GRAMD1B: variants seen among roughly 807,000 people sequenced by gnomAD.
GRAMD1B encodes the protein GRAM domain containing 1B.
In GRAMD1B, 37 loss-of-function variants were observed where a neutral mutation model predicts 99.7. That is an observed-to-expected ratio of 0.37 (90% CI 0.29 to 0.49). The LOEUF is 0.49. GRAMD1B is among the 20% of genes least tolerant of loss of function. GRAMD1B has a pLI of 0.98. For missense variants in GRAMD1B, 888 were observed against 1,009.2 expected, an observed-to-expected ratio of 0.88 and a Z score of 1.63; for synonymous variants, 427 against 387.6, an observed-to-expected ratio of 1.10 and a Z score of -1.19.
intron 12 of GRAMD1B, 37 bp from the exon 13 acceptor site, chr11:123,609,758 C>G: frequency 8.3e-7 from 1 of 1,199,902 alleles, no homozygotes; most frequent in Non-Finnish European, 1.2e-6. Flanking sequence ...GGGCTCTGCC[C>G]TCCCTTCCTC....
intron 1 of GRAMD1B, among the ~76,000 whole-genome samples, chr11:123,390,396 C>T (rs946604061): frequency 1.4e-4 from 21 of 152,194 alleles, no homozygotes; most frequent in East Asian, 5.8e-4. Flanking sequence ...GCACTCTGTA[C>T]GCATCACCCT....
intron 1 of GRAMD1B, among the ~76,000 whole-genome samples, chr11:123,363,746 G>C (rs1946226746): frequency 6.6e-6 from 1 of 152,178 alleles, no homozygotes. Context: ...TGTTGGCCTG[G>C]TTAGGGAAGC....
intron 1 of GRAMD1B, among the ~76,000 whole-genome samples, chr11:123,370,714 G>A (rs1280325918): frequency 6.8e-6 from 1 of 147,336 alleles, no homozygotes; most frequent in Non-Finnish European, 1.5e-5. Context: ...AGTGAAATAG[G>A]GAGTGAGGTG....
rs1951575166 is a variant in GRAMD1B, at chr11:123,598,602, C to T, written c.970-1866C>T. On this transcript the variant is annotated intron_variant, in intron 7 of 19. Transcript: ENST00000635736. The stretch of plus-strand genomic sequence containing the variant: ...GGACTTTCCTTTGGTGCTGAATAGT[C>T]TCTGGGCTCGCTCTTCTGGGATCCT... 1.3e-5 allele frequency: 19 copies of T among 1,513,494 alleles called. 1 individual carries two copies. The South Asian group carries it at 2.1e-4, about 17-fold the overall frequency. The allele number at this position is 1,513,494 out of a possible 1,614,324, so 93.8% of individuals were successfully genotyped here.
chr11:123,513,908 G>A (rs1941416728), intron 2 of GRAMD1B, among the ~76,000 whole-genome samples: 1 of 151,996 alleles, frequency 6.6e-6, no homozygotes, highest in African/African-American at 2.4e-5. Flanking sequence ...CTGCCACCTT[G>A]GCCTCCCACA....
intron 2 of GRAMD1B, among the ~76,000 whole-genome samples, chr11:123,529,729 G>T (rs1220320777): frequency 1.3e-5 from 2 of 152,090 alleles, no homozygotes; most frequent in African/African-American, 4.8e-5. Context: ...TTTTGGTGAC[G>T]CAAAGATAGT....
chr11:123,379,443 T>C (rs369685574), intron 1 of GRAMD1B, among the ~76,000 whole-genome samples: 3 of 152,374 alleles, frequency 2.0e-5, no homozygotes, highest in Non-Finnish European at 1.5e-5. Flanking sequence ...CTAGCTTTAA[T>C]TCTGGCCTTC....
At chr11:123,457,529 G>T (rs1447844411) in intron 1 of GRAMD1B, among the ~76,000 whole-genome samples, 1 of 152,134 alleles carries the variant, frequency 6.6e-6, no homozygotes, top group East Asian at 1.9e-4. Context: ...GCTAGACAGG[G>T]CCTATGTGAT....
At chr11:123,397,135 G>A (rs1947491806) in intron 1 of GRAMD1B, among the ~76,000 whole-genome samples, 1 of 152,098 alleles carries the variant, frequency 6.6e-6, no homozygotes, top group Non-Finnish European at 1.5e-5. Flanking sequence ...CAGGTGTGGT[G>A]TCCCCCGCCT....
At chr11:123,485,800 C>T (rs1314584789) in intron 2 of GRAMD1B, among the ~76,000 whole-genome samples, 2 of 151,634 alleles carry the variant, frequency 1.3e-5, no homozygotes, top group Admixed American at 1.3e-4. Context: ...CGGTAACCTC[C>T]ACCTTCCAGG....
At chr11:123,602,211 TAGTC>T (rs1158102553) in intron 8 of GRAMD1B, among the ~76,000 whole-genome samples, 1 of 152,170 alleles carries the variant, frequency 6.6e-6, no homozygotes, top group Middle Eastern at 3.2e-3. Context: ...CACTTCTCCT[TAGTC>T]AGAAAGCTGG....
At chr11:123,534,278 T>G (rs1943717202) in intron 2 of GRAMD1B, among the ~76,000 whole-genome samples, 1 of 152,150 alleles carries the variant, frequency 6.6e-6, no homozygotes, top group African/African-American at 2.4e-5. Context: ...TGGAAGCAGA[T>G]TGTCATAAAG....
intron 2 of GRAMD1B, among the ~76,000 whole-genome samples, chr11:123,571,459 TAAC>T (rs1948079115): frequency 1.3e-5 from 2 of 152,130 alleles, no homozygotes; most frequent in South Asian, 2.1e-4. Flanking sequence ...CAGCTAGACC[TAAC>T]TATAGGAGGT....
chr11:123,417,940 T>G (rs767642765), intron 1 of GRAMD1B, among the ~76,000 whole-genome samples: 3 of 152,126 alleles, frequency 2.0e-5, no homozygotes, highest in Non-Finnish European at 4.4e-5. Flanking sequence ...TTTAAAATTA[T>G]TTTTTGTAGA....
chr11:123,387,100 T>C (rs1947091527), intron 1 of GRAMD1B, among the ~76,000 whole-genome samples: 1 of 152,154 alleles, frequency 6.6e-6, no homozygotes, highest in Admixed American at 6.5e-5. Context: ...TTTAGATTAT[T>C]TTCAGAAAGG....
intron 19 of GRAMD1B, chr11:123,619,458 C>T: frequency 7.6e-7 from 1 of 1,316,370 alleles, no homozygotes; most frequent in South Asian, 1.5e-5. Context: ...GAATTTGCAC[C>T]AGGAAAGCTG....
At chr11:123,401,126 A>G (rs1947645520) in intron 1 of GRAMD1B, among the ~76,000 whole-genome samples, 1 of 152,206 alleles carries the variant, frequency 6.6e-6, no homozygotes, top group Admixed American at 6.5e-5. Flanking sequence ...AGATGAAGAG[A>G]TGAAGGCAGA....
chr11:123,513,591 TTC>T (rs2135338264), intron 2 of GRAMD1B, among the ~76,000 whole-genome samples: 19 of 88,144 alleles, frequency 2.2e-4, no homozygotes, highest in African/African-American at 1.0e-3. Flanking sequence ...CCTTCCTTCC[TTC>T]CTTCCTTCCT....
At chr11:123,440,862 C>A (rs1472987364) in intron 1 of GRAMD1B, among the ~76,000 whole-genome samples, 1 of 152,074 alleles carries the variant, frequency 6.6e-6, no homozygotes, top group Non-Finnish European at 1.5e-5. Flanking sequence ...GTGGGAGGGA[C>A]CTGGTGGGAG....
Sources: allele counts gnomAD v4.1 joint callset (sites outside exome capture counted in the v4.1 genomes callset), GRCh38; gene constraint gnomAD v4.1.1; transcripts MANE v1.5; gene names NCBI Gene and HGNC (gene_info 2026-07-23, HGNC 2026-07-21).